The following NRXN3 variants were observed in gnomAD, a reference collection of about 807,000 sequenced individuals.
The protein encoded by NRXN3 is neurexin 3.
Under a neutral mutation model 137.6 loss-of-function variants are expected in NRXN3, and 32 were observed. The ratio of observed to expected loss-of-function variants is 0.23; its 90% CI spans 0.18 to 0.31. NRXN3 has a LOEUF of 0.31. NRXN3 is among the 10% of genes least tolerant of loss of function. The pLI, the probability that NRXN3 is intolerant of heterozygous loss-of-function variation, is 1.00. For synonymous variants in NRXN3, 798 were observed against 784.5 expected (o/e 1.02, Z -0.29); for missense variants, 1,574 against 2,062.5 (o/e 0.76, Z 4.59).
intron 4 of NRXN3, among the ~76,000 whole-genome samples, chr14:78,489,079 G>A (rs1229826296): frequency 6.6e-6 from 1 of 152,128 alleles, no homozygotes; most frequent in East Asian, 1.9e-4. Flanking sequence ...CCCTGGAGAG[G>A]GAGAGCTTGG....
rs571004336 is a variant in NRXN3, at chr14:79,410,277, A to T, written c.3263-56944A>T. On this transcript the variant is annotated intron_variant, in intron 15 of 20. Coordinates refer to ENST00000335750, the MANE Select transcript of NRXN3 (RefSeq NM_001330195.2). ...TTTATTTTACCTTCTCATTAATTAGACCCTCAAGCCTCTTAATGTTGTTTT... is the reference window on the plus strand; with the variant it reads ...TTTATTTTACCTTCTCATTAATTAGTCCCTCAAGCCTCTTAATGTTGTTTT... Among the ~76,000 whole-genome samples the T allele has an allele frequency of 2.0e-5, 3 of 152,098 alleles. No individual in the cohort carries two copies. In the East Asian group the frequency reaches 5.8e-4, roughly 29 times the overall value.
At chr14:79,633,862 T>C (rs1189835308) in intron 16 of NRXN3, among the ~76,000 whole-genome samples, 2 of 152,150 alleles carry the variant, frequency 1.3e-5, no homozygotes, top group Non-Finnish European at 2.9e-5. Flanking sequence ...TTAACCTATA[T>C]TACTTGAGTT....
At chr14:79,667,817 T>C (rs886757742) in intron 17 of NRXN3, among the ~76,000 whole-genome samples, 1 of 151,940 alleles carries the variant, frequency 6.6e-6, no homozygotes, top group Non-Finnish European at 1.5e-5. Context: ...GAAAGGTGAC[T>C]TGAGTATGAG....
intron 15 of NRXN3, among the ~76,000 whole-genome samples, chr14:79,129,975 G>C (rs1377555213): frequency 6.6e-6 from 1 of 151,300 alleles, no homozygotes; most frequent in South Asian, 2.1e-4. Flanking sequence ...TTTAAAGTCT[G>C]TTTTATCAGA....
At chr14:78,320,226 G>T (rs1180848645) in intron 4 of NRXN3, among the ~76,000 whole-genome samples, 1 of 152,210 alleles carries the variant, frequency 6.6e-6, no homozygotes, top group Non-Finnish European at 1.5e-5. Flanking sequence ...GAGAGAACAC[G>T]TACCACTTGG....
In NRXN3 at chr14:79,862,122, A is replaced by G; in HGVS notation, c.*158A>G. On this transcript the variant is annotated 3_prime_UTR_variant, in exon 21 of 21. Transcript: ENST00000335750. ...TGGGGAAAACCGTTTTTTAAAGGACACACACACACACAGCGATGCATCTCT... is the reference window on the plus strand; with the variant it reads ...TGGGGAAAACCGTTTTTTAAAGGACGCACACACACACAGCGATGCATCTCT... 1 of 619,072 alleles carries G rather than the reference A, an allele frequency of 1.6e-6. No individual in the cohort carries two copies. Among genetic ancestry groups the G allele is most frequent in the Admixed American group, 3.0e-5 (1 of 33,612 alleles). The allele number at this position is 619,072 out of a possible 1,614,324, so 38.3% of individuals were successfully genotyped here. A position where few individuals can be genotyped will look rare whatever the true frequency, so the allele number is the denominator to read the frequency against.
intron 4 of NRXN3, among the ~76,000 whole-genome samples, chr14:78,442,479 C>T (rs919625133): frequency 1.3e-5 from 2 of 152,158 alleles, no homozygotes; most frequent in Non-Finnish European, 2.9e-5. Context: ...ACCTAGATTT[C>T]AGACTGTTGG....
chr14:79,356,275 T>A (rs1039593419), intron 15 of NRXN3, among the ~76,000 whole-genome samples: 1 of 152,176 alleles, frequency 6.6e-6, no homozygotes. Context: ...TGTCTTTTGT[T>A]TGGAGTATGT....
intron 2 of NRXN3, among the ~76,000 whole-genome samples, chr14:78,268,587 G>T (rs2072202513): frequency 1.3e-5 from 2 of 152,182 alleles, no homozygotes; most frequent in African/African-American, 2.4e-5. Flanking sequence ...AGTAAGGGAA[G>T]AAATATTTGT....
chr14:78,249,098 T>G (rs903986537), intron 2 of NRXN3, among the ~76,000 whole-genome samples: 1 of 152,224 alleles, frequency 6.6e-6, no homozygotes, highest in Non-Finnish European at 1.5e-5. Context: ...AGCAATTTTT[T>G]AAAATCTCCC....
chr14:78,522,305 A>G (rs182267189), intron 4 of NRXN3, among the ~76,000 whole-genome samples: 2 of 152,370 alleles, frequency 1.3e-5, no homozygotes, highest in East Asian at 1.9e-4. Context: ...TAAGTGTTAC[A>G]TAACCATGAT....
chr14:79,787,714 C>T (rs898832604), intron 19 of NRXN3, among the ~76,000 whole-genome samples: 2 of 152,096 alleles, frequency 1.3e-5, no homozygotes, highest in Non-Finnish European at 2.9e-5. Flanking sequence ...CACATTGTTC[C>T]AAGTAGCAGA....
chr14:79,649,644 T>C (rs1026941261), intron 16 of NRXN3, among the ~76,000 whole-genome samples: 1 of 152,006 alleles, frequency 6.6e-6, no homozygotes, highest in African/African-American at 2.4e-5. Flanking sequence ...TGGCAAAAAT[T>C]AGTGAGGTTT....
At chr14:79,018,705 T>G (rs2099583923) in intron 15 of NRXN3, among the ~76,000 whole-genome samples, 1 of 152,212 alleles carries the variant, frequency 6.6e-6, no homozygotes, top group Non-Finnish European at 1.5e-5. Flanking sequence ...TCTATGATTC[T>G]TTTTCTCTTT....
At chr14:78,699,020 T>C (rs2098254171) in intron 6 of NRXN3, among the ~76,000 whole-genome samples, 1 of 152,038 alleles carries the variant, frequency 6.6e-6, no homozygotes, top group Admixed American at 6.6e-5. Flanking sequence ...CACCTCCTCC[T>C]GTAAGCACGT....
At chr14:79,038,949 G>A (rs947916838) in intron 15 of NRXN3, among the ~76,000 whole-genome samples, 4 of 152,162 alleles carry the variant, frequency 2.6e-5, no homozygotes, top group African/African-American at 9.7e-5. Context: ...CATCTTTAAT[G>A]AGTGTAGGGA....
intron 19 of NRXN3, among the ~76,000 whole-genome samples, chr14:79,777,208 C>T (rs778911220): frequency 1.3e-5 from 2 of 152,138 alleles, no homozygotes; most frequent in Admixed American, 6.6e-5. Context: ...TATTTTGTCT[C>T]CTTCTTTAAA....
At chr14:79,500,061 A>C (rs1195377367) in intron 16 of NRXN3, among the ~76,000 whole-genome samples, 1 of 151,896 alleles carries the variant, frequency 6.6e-6, no homozygotes, top group Non-Finnish European at 1.5e-5. Flanking sequence ...TAAAGGTTAT[A>C]AATCTAGACT....
intron 8 of NRXN3, among the ~76,000 whole-genome samples, chr14:78,791,976 C>G (rs1480902466): frequency 6.6e-6 from 1 of 151,608 alleles, no homozygotes; most frequent in East Asian, 1.9e-4. Flanking sequence ...GAACTCTGGA[C>G]AGAGATGCCT....
Sources: allele counts gnomAD v4.1 joint callset (sites outside exome capture counted in the v4.1 genomes callset), GRCh38; gene constraint gnomAD v4.1.1; transcripts MANE v1.5; gene names NCBI Gene and HGNC (gene_info 2026-07-23, HGNC 2026-07-21).